Variants in ZNF354B observed in about 807,000 individuals in gnomAD.
The protein encoded by ZNF354B is zinc finger protein 354B.
Under a neutral mutation model 12.9 loss-of-function variants are expected in ZNF354B, and 10 were observed. The ratio of observed to expected loss-of-function variants is 0.77; its 90% CI spans 0.48 to 1.31. The LOEUF (loss-of-function observed/expected upper bound fraction) is 1.31. ZNF354B is among the 40% of genes most tolerant of loss of function. ZNF354B has a pLI of 0.00. For synonymous variants in ZNF354B, 260 were observed against 243.7 expected (o/e 1.07, Z -0.62); for missense variants, 614 against 711.7 (o/e 0.86, Z 1.56).
At chr5:178,870,163 G>GA (rs1000545371) in intron 4 of ZNF354B, among the ~76,000 whole-genome samples, 4 of 151,718 alleles carry the variant, frequency 2.6e-5, no homozygotes, top group Admixed American at 1.3e-4. Context: ...CTTTAAAAAA[G>GA]AAAAAAAATA....
rs1357598988 is a variant in ZNF354B at position 178,871,888 on chromosome 5, G to GC, written c.256+4818dup. 4.6e-5 allele frequency among the ~76,000 whole-genome samples: 7 copies of GC among 152,270 alleles called. No individual in the cohort carries two copies. In the East Asian group the frequency reaches 1.2e-3, roughly 25 times the overall value. On this transcript the variant is annotated intron_variant, in intron 4 of 4. Transcript: ENST00000322434. ...GGTATGAGTTTGATATTTTTACTTT[G>GC]CAGGGGAATTTTACTTTTTTTAGAA...
At chr5:178,864,630 T>G (rs995883400) in intron 2 of ZNF354B, among the ~76,000 whole-genome samples, 1 of 152,114 alleles carries the variant, frequency 6.6e-6, no homozygotes, top group Non-Finnish European at 1.5e-5. Context: ...AGAAATTTTT[T>G]TTTTTTTTTG....
chr5:178,860,300 G>T (rs1345727612), intron 1 of ZNF354B, among the ~76,000 whole-genome samples, 173 bp downstream of exon 1: 1 of 151,896 alleles, frequency 6.6e-6, no homozygotes, highest in Admixed American at 6.6e-5. Flanking sequence ...CGGTGCCGCT[G>T]CCGACGCCCC....
intron 4 of ZNF354B, 88 bp downstream of exon 4, chr5:178,867,159 C>T: frequency 7.8e-7 from 1 of 1,280,948 alleles, no homozygotes; most frequent in Non-Finnish European, 1.1e-6. Context: ...TGGGAAACTC[C>T]CTTGAGAATT....
At chr5:178,869,213 A>C (rs1757517090) in intron 4 of ZNF354B, among the ~76,000 whole-genome samples, 1 of 152,170 alleles carries the variant, frequency 6.6e-6, no homozygotes, top group South Asian at 2.1e-4. Context: ...TCAAGTCCAG[A>C]GGGCTCAGTG....
At chr5:178,879,463 A>G (rs1661835976) in intron 4 of ZNF354B, among the ~76,000 whole-genome samples, 4 of 151,748 alleles carry the variant, frequency 2.6e-5, no homozygotes, top group Admixed American at 2.6e-4. Flanking sequence ...CACTGCAATC[A>G]ACGTTTCCTG....
chr5:178,866,683 G>A (rs1010515228), intron 3 of ZNF354B, among the ~76,000 whole-genome samples: 1 of 148,936 alleles, frequency 6.7e-6, no homozygotes, highest in African/African-American at 2.5e-5. Flanking sequence ...CCTCTCAGCA[G>A]AGGGCTTACC....
intron 4 of ZNF354B, among the ~76,000 whole-genome samples, chr5:178,882,405 A>G (rs1175421083): frequency 2.6e-5 from 4 of 152,170 alleles, no homozygotes; most frequent in Non-Finnish European, 5.9e-5. Context: ...TTATGAGTCC[A>G]TCATAGGCTT....
At chr5:178,876,399 A>T (rs1293775173) in intron 4 of ZNF354B, among the ~76,000 whole-genome samples, 1 of 152,240 alleles carries the variant, frequency 6.6e-6, no homozygotes, top group Non-Finnish European at 1.5e-5. Context: ...GCTGTGGCAC[A>T]GCAAAAATAG....
intron 4 of ZNF354B, among the ~76,000 whole-genome samples, 156 bp downstream of exon 4, chr5:178,867,227 C>G (rs1372125833): frequency 2.0e-5 from 3 of 152,180 alleles, no homozygotes; most frequent in Admixed American, 6.5e-5. Context: ...CAGGATTAGT[C>G]ACTTGTAATC....
At chr5:178,862,666 C>CA (rs1757379142) in intron 2 of ZNF354B, among the ~76,000 whole-genome samples, 2 of 152,214 alleles carry the variant, frequency 1.3e-5, no homozygotes, top group Non-Finnish European at 2.9e-5. Context: ...CCGCGCCTGG[C>CA]GGCGTTATCT....
rs747916363 is a variant in ZNF354B, at chr5:178,882,932, T to C, written c.480T>C (p.Asn160=). ...TTACTGTAGATAGAAGCCATAAAAA[T>C]GTTGAATTTGGCCAAAACTTCTACC... is the stretch of plus-strand genomic sequence containing the variant. ...KILTVDRSHK[N]VEFGQNFYLK... Residue 160 remains asparagine (N), a synonymous_variant, in exon 5 of 5, where the codon AAT becomes AAC. Transcript: ENST00000322434. The C allele has an allele frequency of 6.2e-6, 10 of 1,600,336 alleles. No individual in the cohort carries two copies. Among genetic ancestry groups the C allele is most frequent in the Non-Finnish European group, 7.6e-6 (9 of 1,176,640 alleles).
intron 2 of ZNF354B, among the ~76,000 whole-genome samples, chr5:178,864,995 G>A (rs1348017715): frequency 6.6e-6 from 1 of 152,122 alleles, no homozygotes; most frequent in East Asian, 1.9e-4. Context: ...ACATTTTCAT[G>A]GATGTCTTTT....
chr5:178,862,344 T>G (rs914275355), intron 2 of ZNF354B, among the ~76,000 whole-genome samples: 3 of 151,242 alleles, frequency 2.0e-5, no homozygotes, highest in Non-Finnish European at 4.4e-5. Context: ...CCAGAGTGCT[T>G]CTGCAGCGTG....
At chr5:178,861,667 C>CAG (rs35822895) in intron 2 of ZNF354B, among the ~76,000 whole-genome samples, 1 of 151,686 alleles carries the variant, frequency 6.6e-6, no homozygotes, top group African/African-American at 2.4e-5. Context: ...TCGCAGGACA[C>CAG]AGAAGACCCC....
chr5:178,883,856 T>C lies in ZNF354B; in HGVS notation c.1404T>C (p.Cys468=). The C allele has an allele frequency of 6.2e-7, 1 of 1,614,106 alleles. No individual in the cohort carries two copies. Among genetic ancestry groups the C allele is most frequent in the Non-Finnish European group, 8.5e-7 (1 of 1,179,984 alleles). Residue 468 remains cysteine, a synonymous_variant, in exon 5 of 5, where the codon TGT becomes TGC. Coordinates refer to ENST00000322434, the MANE Select transcript of ZNF354B (RefSeq NM_058230.3). The part of the protein sequence containing the change: ...RIHTGEKPCK[C]KVCGKAFRQS... ...ATACTGGAGAAAAACCATGTAAATGTAAAGTATGTGGAAAAGCCTTCAGAC... is the reference window on the plus strand; with the variant it reads ...ATACTGGAGAAAAACCATGTAAATGCAAAGTATGTGGAAAAGCCTTCAGAC...
At chr5:178,882,671 G>T in intron 4 of ZNF354B, 38 bp from the exon 5 acceptor site, 1 of 1,509,522 alleles carries the variant, frequency 6.6e-7, no homozygotes, top group South Asian at 1.4e-5. Context: ...CCAATCACAT[G>T]AATCATGGGC....
At chr5:178,861,466 C>T (rs1757347191) in intron 2 of ZNF354B, among the ~76,000 whole-genome samples, 2 of 152,188 alleles carry the variant, frequency 1.3e-5, no homozygotes, top group Admixed American at 1.3e-4. Flanking sequence ...CATAACACCA[C>T]CCCTTCCCCA....
At chr5:178,873,797 G>A (rs959827171) in intron 4 of ZNF354B, among the ~76,000 whole-genome samples, 4 of 152,154 alleles carry the variant, frequency 2.6e-5, no homozygotes, top group African/African-American at 9.7e-5. Flanking sequence ...ATCTTGCTGA[G>A]ATTTTGATAG....
Sources: gnomAD v4.1 joint callset for allele counts (sites outside exome capture counted in the v4.1 genomes callset) on GRCh38, gnomAD v4.1.1 for gene constraint, MANE v1.5 for transcripts, NCBI Gene and HGNC (gene_info 2026-07-23, HGNC 2026-07-21) for gene names.